PBX1: variants seen among roughly 807,000 people sequenced by gnomAD.
The protein encoded by PBX1 is PBX homeobox 1.
Under a neutral mutation model 53.4 loss-of-function variants are expected in PBX1, and 6 were observed. The ratio of observed to expected loss-of-function variants is 0.11; its 90% confidence interval spans 0.06 to 0.22. PBX1 has a LOEUF of 0.22. PBX1 is among the 10% of genes least tolerant of loss of function. The pLI is 1.00. For missense variants in PBX1, 251 were observed against 551.4 expected (o/e 0.46, Z 5.46); for synonymous variants, 204 against 212.3 (o/e 0.96, Z 0.34).
intron 2 of PBX1, among the ~76,000 whole-genome samples, chr1:164,746,608 C>A (rs1372371827): frequency 6.6e-6 from 1 of 152,008 alleles, no homozygotes; most frequent in African/African-American, 2.4e-5. Context: ...AACCCTTGAC[C>A]TCATGTGGCC....
In PBX1 at chr1:164,595,886, C is replaced by A. The variant is rs138138202; in HGVS notation, c.265+32575C>A. On this transcript the variant is annotated intron_variant, in intron 2 of 8. Coordinates refer to ENST00000420696, the MANE Select transcript of PBX1 (RefSeq NM_002585.4). ...AAAAATACGTTTTAGGGAAATACAG[C>A]TGACAAAATAGCTCCAAAGGTTGTA... Among the ~76,000 whole-genome samples the A allele has an allele frequency of 2.2e-4, 34 of 152,250 alleles. 2 individuals carry two copies. In the East Asian group the frequency reaches 6.6e-3, roughly 29 times the overall value.
intron 8 of PBX1, among the ~76,000 whole-genome samples, chr1:164,827,982 C>T (rs2102381525): frequency 6.6e-6 from 1 of 152,182 alleles, no homozygotes; most frequent in African/African-American, 2.4e-5. Flanking sequence ...ATTTCCTGTT[C>T]CTAGAAGACT....
chr1:164,652,319 G>C (rs1323995880), intron 2 of PBX1, among the ~76,000 whole-genome samples: 2 of 152,132 alleles, frequency 1.3e-5, no homozygotes, highest in Non-Finnish European at 2.9e-5. Context: ...CCCTGTGGGG[G>C]TACTCTAGCA....
chr1:164,568,829 C>T (rs1653624815), intron 2 of PBX1, among the ~76,000 whole-genome samples: 1 of 152,164 alleles, frequency 6.6e-6, no homozygotes, highest in Non-Finnish European at 1.5e-5. Context: ...GCAGAGTGAT[C>T]CCCAGAGGGG....
intron 2 of PBX1, among the ~76,000 whole-genome samples, chr1:164,784,420 C>T (rs1026445211): frequency 2.6e-5 from 4 of 152,186 alleles, no homozygotes; most frequent in African/African-American, 7.2e-5. Context: ...AAGTGGGGAA[C>T]GTGTGAATGG....
At chr1:164,760,369 C>G (rs1373437267) in intron 2 of PBX1, among the ~76,000 whole-genome samples, 1 of 151,964 alleles carries the variant, frequency 6.6e-6, no homozygotes, top group Non-Finnish European at 1.5e-5. Context: ...ATTTCCCTCC[C>G]TTCCTCCCTC....
intron 8 of PBX1, among the ~76,000 whole-genome samples, chr1:164,835,184 C>T (rs1322931306): frequency 1.3e-5 from 2 of 151,242 alleles, no homozygotes; most frequent in East Asian, 1.9e-4. Flanking sequence ...AGGGAAAGTC[C>T]ACAATGTGTT....
intron 2 of PBX1, among the ~76,000 whole-genome samples, chr1:164,603,105 T>TG (rs1656290430): frequency 6.6e-6 from 1 of 152,116 alleles, no homozygotes; most frequent in East Asian, 1.9e-4. Context: ...CCTACCCCTT[T>TG]GGCTTTTTCT....
At chr1:164,820,521 A>G (rs190598938) in intron 7 of PBX1, among the ~76,000 whole-genome samples, 149 of 152,256 alleles carry the variant, frequency 9.8e-4, no homozygotes, top group African/African-American at 3.5e-3. Context: ...TGTTACCTCA[A>G]TTTCCAGGTC....
chr1:164,733,104 A>T (rs1557973115), intron 2 of PBX1, among the ~76,000 whole-genome samples: 2 of 152,020 alleles, frequency 1.3e-5, no homozygotes, highest in Non-Finnish European at 2.9e-5. Context: ...CGGTATTTTT[A>T]TTCTCCCTAT....
chr1:164,602,279 T>C (rs1308832643), intron 2 of PBX1, among the ~76,000 whole-genome samples: 9 of 152,150 alleles, frequency 5.9e-5, no homozygotes, highest in Non-Finnish European at 5.9e-5. Flanking sequence ...GAAATTGCTA[T>C]GGGAGGGCCC....
chr1:164,564,279 C>T (rs1653272504), intron 2 of PBX1, among the ~76,000 whole-genome samples: 1 of 151,994 alleles, frequency 6.6e-6, no homozygotes, highest in Non-Finnish European at 1.5e-5. Flanking sequence ...TTATTTTTTA[C>T]AACAAGGAGT....
At chr1:164,560,903 A>G (rs1465613251) in intron 1 of PBX1, among the ~76,000 whole-genome samples, 1 of 152,198 alleles carries the variant, frequency 6.6e-6, no homozygotes, top group African/African-American at 2.4e-5. Flanking sequence ...ATATTTCAGT[A>G]CTATAGGACA....
At chr1:164,658,553 C>T (rs988224598) in intron 2 of PBX1, among the ~76,000 whole-genome samples, 7 of 152,128 alleles carry the variant, frequency 4.6e-5, no homozygotes, top group Non-Finnish European at 8.8e-5. Flanking sequence ...TTGATATCCC[C>T]GAGTGTGTTT....
At chr1:164,592,853 G>A (rs374197324) in intron 2 of PBX1, among the ~76,000 whole-genome samples, 3 of 152,106 alleles carry the variant, frequency 2.0e-5, no homozygotes, top group Admixed American at 6.6e-5. Flanking sequence ...GTTTTCTGTC[G>A]TGAGCACTCA....
intron 2 of PBX1, among the ~76,000 whole-genome samples, chr1:164,860,713 C>G (rs1391235642): frequency 6.6e-6 from 1 of 152,136 alleles, no homozygotes; most frequent in African/African-American, 2.4e-5. Context: ...CCACTGAGCT[C>G]CTCTAGTGTG....
At chr1:164,560,429 G>A (rs2275560) in intron 1 of PBX1, 121,578 of 381,480 alleles carry the variant, frequency 0.32, 22,154 homozygotes, top group African/African-American at 0.58. Context: ...GTAACATTAC[G>A]AAATAAAATG....
At chr1:164,616,659 AAG>A (rs1274062828) in intron 2 of PBX1, among the ~76,000 whole-genome samples, 2 of 152,218 alleles carry the variant, frequency 1.3e-5, no homozygotes, top group African/African-American at 2.4e-5. Flanking sequence ...AATACAAGGT[AAG>A]AACACTTCAT....
intron 2 of PBX1, among the ~76,000 whole-genome samples, chr1:164,764,557 C>A (rs1285904629): frequency 6.6e-6 from 1 of 152,158 alleles, no homozygotes; most frequent in Non-Finnish European, 1.5e-5. Context: ...TATGGTGCTG[C>A]CTGCACCATC....
Sources: gnomAD v4.1 joint callset for allele counts (sites outside exome capture counted in the v4.1 genomes callset) on GRCh38, gnomAD v4.1.1 for gene constraint, MANE v1.5 for transcripts, NCBI Gene and HGNC (gene_info 2026-07-23, HGNC 2026-07-21) for gene names.